The following COG1 variants were observed in gnomAD, a reference collection of about 807,000 sequenced individuals.
COG1 encodes the protein component of oligomeric golgi complex 1, also known as conserved oligomeric Golgi complex subunit 1.
Under a neutral mutation model 102.2 loss-of-function variants are expected in COG1, and 61 were observed. That is an observed-to-expected ratio of 0.60 (90% CI 0.49 to 0.74). The LOEUF (loss-of-function observed/expected upper bound fraction) is 0.74. Among genes scored for constraint, COG1 ranks in the 30% least tolerant of loss-of-function variants. The pLI, the probability that COG1 is intolerant of heterozygous loss-of-function variation, is 0.00. For synonymous variants in COG1, 454 were observed against 493.6 expected, an observed-to-expected ratio of 0.92 and a Z score of 1.06; for missense variants, 1,164 against 1,232.1, an observed-to-expected ratio of 0.94 and a Z score of 0.83.
intron 7 of COG1, 22 bp from the exon 8 acceptor site, chr17:73,202,978 G>A (rs759413559): frequency 6.2e-7 from 1 of 1,613,728 alleles, no homozygotes; most frequent in Non-Finnish European, 8.5e-7. Context: ...GGCTTGTATG[G>A]ATATCTGCCT....
In COG1 at chr17:73,201,427, G is replaced by T. The variant is rs914960021; in HGVS notation, c.1600G>T (p.Ala534Ser). Residue 534 changes from alanine to serine, a missense_variant, in exon 7 of 14, where the codon GCT (alanine) becomes TCT (serine). Ala to Ser is a moderately conservative substitution (Grantham distance 99). Transcript: ENST00000299886. ...KLKVKLDDLL[A>S]YLPSDDSSLP... ...GAAGGTTAAACTAGATGACCTCCTG[G>T]CTTACCTCCCCTCTGATGACTCATC... 3.1e-6 allele frequency: 5 copies of T among 1,614,086 alleles called. No homozygotes were observed. Among genetic ancestry groups the T allele is most frequent in the Non-Finnish European group, 4.2e-6 (5 of 1,180,044 alleles).
chr17:73,201,991 C>A, intron 7 of COG1, 91 bp downstream of exon 7: 1 of 1,227,760 alleles, frequency 8.1e-7, no homozygotes, highest in Non-Finnish European at 1.2e-6. Flanking sequence ...GTAGTAAAGG[C>A]AAAACAATTC....
At position 73,206,752 on chromosome 17, in the gene COG1, C is replaced by T. The variant is rs149117345; in HGVS notation, c.2664C>T (p.Pro888=). ...LVTGTENQLA[P]RSSTFNSQEP... ...CTGGTACAGAGAATCAGCTCGCCCCCCGGAGCAGTACGTTCAACTCCCAAG... is the reference window on the plus strand; with the variant it reads ...CTGGTACAGAGAATCAGCTCGCCCCTCGGAGCAGTACGTTCAACTCCCAAG... Residue 888 remains proline, a synonymous_variant, in exon 12 of 14, where the codon CCC becomes CCT. Coordinates refer to ENST00000299886, the MANE Select transcript of COG1 (RefSeq NM_018714.3). 59 of 1,613,572 alleles carry T rather than the reference C, an allele frequency of 3.7e-5. No individual in the cohort carries two copies. In the African/African-American group the frequency reaches 6.4e-4, roughly 18 times the overall value.
rs1328490939 is a variant in COG1, at chr17:73,196,581, G to A, written c.390G>A (p.Lys130=). ...AGCTACTCTTAGAAATTCCGGAGAA[G>A]ATCTGGAGCTCGATGGAAGCCTCTC... ...QIKLLLEIPE[K]IWSSMEASQC... is the part of the protein sequence containing the mutation. The change falls in exon 2 of 14, where the codon AAG becomes AAA. Residue 130 remains lysine, a synonymous_variant. Coordinates refer to ENST00000299886, the MANE Select transcript of COG1 (RefSeq NM_018714.3). 1 of 1,614,188 alleles carries A rather than the reference G, an allele frequency of 6.2e-7. No individual in the cohort carries two copies. The highest frequency in any genetic ancestry group is 2.2e-5 in the East Asian group (1 of 44,884).
chr17:73,200,797 G>T (rs753857400), intron 6 of COG1, 21 bp downstream of exon 6: 1 of 1,605,640 alleles, frequency 6.2e-7, no homozygotes, highest in Admixed American at 1.7e-5. Flanking sequence ...CAGTCACATG[G>T]TCTACCTGTT....
At position 73,200,744 on chromosome 17, in the gene COG1, A is replaced by G. The variant is rs773962983; in HGVS notation, c.1249A>G (p.Met417Val). 3 of 1,614,160 alleles carry G rather than the reference A, an allele frequency of 1.9e-6. No homozygotes were observed. Among genetic ancestry groups the G allele is most frequent in the South Asian group, 1.1e-5 (1 of 91,076 alleles). The change falls in exon 6 of 14, where the codon ATG becomes GTG. Residue 417 changes from methionine to valine, a missense_variant. Physicochemically the swap from Met to Val is conservative, Grantham distance 21. Coordinates refer to ENST00000299886, the MANE Select transcript of COG1 (RefSeq NM_018714.3). Reference protein sequence around the residue: ...LEKPLLFWEDMMQQLFLDRLQ... With the variant: ...LEKPLLFWEDVMQQLFLDRLQ... ...GAAGCCGCTCTTGTTCTGGGAAGATATGATGCAGCAACTGTTCCTTGACCG... is the reference window on the plus strand; with the variant it reads ...GAAGCCGCTCTTGTTCTGGGAAGATGTGATGCAGCAACTGTTCCTTGACCG...
At position 73,201,289 on chromosome 17, in the gene COG1, G is replaced by T. The variant is rs1451680348; in HGVS notation, c.1462G>T (p.Ala488Ser). 2 of 1,614,108 alleles carry T rather than the reference G, an allele frequency of 1.2e-6. No homozygotes were observed. The highest frequency in any genetic ancestry group is 1.7e-5 in the Admixed American group (1 of 60,004). ...ESPNDLPSDA[A>S]WVSVANRGQF... is the part of the protein sequence containing the mutation. ...TCCTAATGACCTGCCTTCCGATGCG[G>T]CCTGGGTCAGCGTGGCAAACCGGGG... is the stretch of plus-strand genomic sequence containing the variant. The change falls in exon 7 of 14, where the codon GCC becomes TCC. Residue 488 changes from alanine (A) to serine (S), a missense_variant. By Grantham distance (99) the Ala-to-Ser change is moderately conservative. Transcript: ENST00000299886.
In COG1 at chr17:73,203,706, A is replaced by G; in HGVS notation, c.2295A>G (p.Pro765=). 6.2e-7 allele frequency: 1 copy of G among 1,614,226 alleles called. No individual in the cohort carries two copies. The highest frequency in any genetic ancestry group is 8.5e-7 in the Non-Finnish European group (1 of 1,180,008). Residue 765 remains proline (P), a synonymous_variant, in exon 9 of 14, where the codon CCA becomes CCG. Coordinates refer to ENST00000299886, the MANE Select transcript of COG1 (RefSeq NM_018714.3). ...EINRVGGHAL[P]KVTLQEMLKS... ...ATCGGGTTGGAGGCCATGCCTTGCC[A>G]AAGGTGACATTACAGGAGATGCTGA...
Position 73,197,291 on chromosome 17 carries a change from C to T in COG1, c.808C>T (p.His270Tyr), listed in dbSNP as rs2061329549. The change falls in exon 4 of 14, where the codon CAT becomes TAT. Residue 270 changes from histidine to tyrosine, a missense_variant. Physicochemically the swap from His to Tyr is moderately conservative, Grantham distance 83. Transcript: ENST00000299886. Reference protein sequence around the residue: ...ELLATTLKQAHALFYTLPEGL... With the variant: ...ELLATTLKQAYALFYTLPEGL... ...GCTGGCCACCACTCTGAAGCAAGCT[C>T]ATGCCCTTTTCTACACTTTGCCAGA... The T allele has an allele frequency of 1.9e-6, 3 of 1,614,244 alleles. No individual in the cohort carries two copies. The East Asian group carries it at 6.7e-5, about 36-fold the overall frequency.
chr17:73,203,402 C>A lies in COG1; in HGVS notation c.2221-230C>A, dbSNP rs558792764. On this transcript the variant is annotated intron_variant, in intron 8 of 13. Coordinates refer to ENST00000299886, the MANE Select transcript of COG1 (RefSeq NM_018714.3). The stretch of plus-strand genomic sequence containing the variant: ...CACTTACTTGCCGTGAAATCAGCAG[C>A]ATAAAACACAGGCACCTCTTCGAGA... 8.5e-6 allele frequency: 6 copies of A among 703,522 alleles called. No individual in the cohort carries two copies. The East Asian group carries it at 1.1e-4, about 13-fold the overall frequency. The allele number at this position is 703,522 out of a possible 1,614,324, so 43.6% of individuals were successfully genotyped here.
chr17:73,199,152 G>A (rs551002338), intron 4 of COG1, among the ~76,000 whole-genome samples: 24 of 152,284 alleles, frequency 1.6e-4, no homozygotes, highest in African/African-American at 5.5e-4. Context: ...CCAGAGTTGC[G>A]CAGTGCAGGC....
At chr17:73,195,898 G>A (rs1364175230) in intron 1 of COG1, among the ~76,000 whole-genome samples, 1 of 152,228 alleles carries the variant, frequency 6.6e-6, no homozygotes, top group Non-Finnish European at 1.5e-5. Context: ...AAGGAAGTCA[G>A]TTTAGGCTTG....
chr17:73,196,856 A>G (rs1304216428), intron 2 of COG1, 44 bp from the exon 3 acceptor site: 4 of 1,613,852 alleles, frequency 2.5e-6, no homozygotes, highest in Non-Finnish European at 1.7e-6. Context: ...TCTTTACCCA[A>G]GATGTGAAAA....
chr17:73,203,248 A>T (rs1266908450), intron 8 of COG1, 102 bp downstream of exon 8: 1 of 1,433,902 alleles, frequency 7.0e-7, no homozygotes, highest in African/African-American at 1.4e-5. Flanking sequence ...GGAATAGCTG[A>T]AAGTAACATC....
rs1369362003 is a variant in COG1, at chr17:73,196,924, G to C, written c.585G>C (p.Lys195Asn). ...HFRSTILHES[K>N]MLLKCQGVSD... ...GGTCAACTATTCTGCATGAAAGCAA[G>C]ATGTTGCTCAAATGCCAAGGTGTGT... The change falls in exon 3 of 14, where the codon AAG becomes AAC. Residue 195 changes from lysine (K) to asparagine (N), a missense_variant. Transcript: ENST00000299886. 3.1e-6 allele frequency: 5 copies of C among 1,614,106 alleles called. No individual in the cohort carries two copies. The African/African-American group carries it at 6.7e-5, about 22-fold the overall frequency.
intron 7 of COG1, 71 bp from the exon 8 acceptor site, chr17:73,202,929 C>A: frequency 6.5e-7 from 1 of 1,539,138 alleles, no homozygotes; most frequent in Non-Finnish European, 9.0e-7. Flanking sequence ...CTCAGGATTA[C>A]ACAGATTGTT....
chr17:73,205,779 A>G (rs975919533), intron 10 of COG1, 99 bp downstream of exon 10: 1 of 1,457,502 alleles, frequency 6.9e-7, no homozygotes. Flanking sequence ...TATACTGCAC[A>G]TTCATTGTGT....
Position 73,207,240 on chromosome 17 carries a change from T to A in COG1, c.2789T>A (p.Ile930Asn). 1 of 1,613,798 alleles carries A rather than the reference T, an allele frequency of 6.2e-7. No homozygotes were observed. The highest frequency in any genetic ancestry group is 1.1e-5 in the South Asian group (1 of 91,054). The part of the protein sequence containing the change: ...STRKAKSTRN[I>N]ETKAQVVPPA... The stretch of plus-strand genomic sequence containing the variant: ...CGAAAGGCTAAATCAACCAGAAACA[T>A]CGAAACAAAAGCTCAGGTTGGTGCC... Residue 930 changes from isoleucine (I) to asparagine (N), a missense_variant, in exon 13 of 14, where the codon ATC becomes AAC. Transcript: ENST00000299886.
chr17:73,206,640 T>TC, intron 11 of COG1, 68 bp from the exon 12 acceptor site: 1 of 360,252 alleles, frequency 2.8e-6, no homozygotes, highest in Non-Finnish European at 4.6e-6. Flanking sequence ...TGACTAACCT[T>TC]TTTTTTTTTT....
Sources: gnomAD v4.1 joint callset for allele counts (sites outside exome capture counted in the v4.1 genomes callset) on GRCh38, gnomAD v4.1.1 for gene constraint, MANE v1.5 for transcripts, NCBI Gene and HGNC (gene_info 2026-07-23, HGNC 2026-07-21) for gene names.